The following ATP1A1 variants were observed in gnomAD, a reference collection of about 807,000 sequenced individuals.
The protein encoded by ATP1A1 is ATPase Na+/K+ transporting subunit alpha 1, also known as sodium/potassium-transporting ATPase subunit alpha-1.
A neutral mutation model predicts 114.8 loss-of-function variants in ATP1A1; 14 were observed. The ratio of observed to expected loss-of-function variants is 0.12; its 90% CI spans 0.08 to 0.19. The LOEUF (loss-of-function observed/expected upper bound fraction) is 0.19. ATP1A1 is among the 10% of genes least tolerant of loss of function. The pLI is 1.00. For synonymous variants in ATP1A1, 471 were observed against 466.3 expected (o/e 1.01, Z -0.13); for missense variants, 524 against 1,290.7 (o/e 0.41, Z 9.10).
At chr1:116,376,094 C>T (rs961749625) in intron 1 of ATP1A1, among the ~76,000 whole-genome samples, 2 of 152,124 alleles carry the variant, frequency 1.3e-5, no homozygotes, top group African/African-American at 2.4e-5. Flanking sequence ...CAAAGGTACA[C>T]GCCATAACTG....
chr1:116,384,147 T>A lies in ATP1A1; in HGVS notation c.123+23T>A, dbSNP rs1275459141. 3 of 1,577,454 alleles carry A rather than the reference T, an allele frequency of 1.9e-6. No homozygotes were observed. The African/African-American group carries it at 4.1e-5, about 21-fold the overall frequency. ...ATGGTAAGTACTAGGAGGAATATTG[T>A]ATTCCATCCTTATTAAAAATCCATG... On this transcript the variant is annotated intron_variant, in intron 2 of 22. Transcript: ENST00000295598. This position sits in a 1 kb window ranked among gnomAD's most constrained non-coding sequence, Gnocchi z 5.1.
At position 116,379,605 on chromosome 1, in the gene ATP1A1, TAAGATC is replaced by T. The variant is rs551386486; in HGVS notation, c.13-4406_13-4401del. Among the ~76,000 whole-genome samples the T allele has an allele frequency of 2.3e-3, 348 of 152,344 alleles. 1 individual carries two copies. The highest frequency in any genetic ancestry group is 8.1e-3 in the African/African-American group (337 of 41,574). On this transcript the variant is annotated intron_variant, in intron 1 of 22. Transcript: ENST00000295598. ...GTTATTTTCTTTAAGTTTTCACTGTTAAGATCAAATGAAAAATAATGCCAAAGGAGT... is the reference window on the plus strand; with the variant it reads ...GTTATTTTCTTTAAGTTTTCACTGTTAAATGAAAAATAATGCCAAAGGAGT...
At chr1:116,375,741 C>T (rs778316828) in intron 1 of ATP1A1, among the ~76,000 whole-genome samples, 2 of 152,086 alleles carry the variant, frequency 1.3e-5, no homozygotes, top group Non-Finnish European at 2.9e-5. Flanking sequence ...GGGATTTTTC[C>T]ACATGGGGAT....
In ATP1A1 at chr1:116,373,499, G is replaced by A. The variant is rs1208152631; in HGVS notation, c.-13G>A. On this transcript the variant is annotated 5_prime_UTR_variant, in exon 1 of 23. Transcript: ENST00000295598. ...GCGACAGGACCCGGCGCCGGGCACT[G>A]AGCACCGCCACCATGGGGAAGGGGG... The A allele has an allele frequency of 2.0e-6, 3 of 1,509,160 alleles. No individual in the cohort carries two copies. Among genetic ancestry groups the A allele is most frequent in the Non-Finnish European group, 2.7e-6 (3 of 1,129,580 alleles). The allele number at this position is 1,509,160 out of a possible 1,614,324, so 93.5% of individuals were successfully genotyped here. A position where few individuals can be genotyped will look rare whatever the true frequency, so the allele number is the denominator to read the frequency against.
rs200928094 is a variant in ATP1A1, at chr1:116,392,979, C to T, written c.1458C>T (p.Asn486=). The change falls in exon 11 of 23, where the codon AAC becomes AAT. Residue 486 remains asparagine (N), a synonymous_variant. Coordinates refer to ENST00000295598, the MANE Select transcript of ATP1A1 (RefSeq NM_000701.8). The part of the protein sequence containing the change: ...KIVEIPFNST[N]KYQLSIHKNP... ...TCGAGATACCCTTCAACTCCACCAA[C>T]AAGTACCAGGTCTGAAGATCGATGG... 1.1e-5 allele frequency: 17 copies of T among 1,614,002 alleles called. No homozygotes were observed. Among genetic ancestry groups the T allele is most frequent in the Non-Finnish European group, 1.2e-5 (14 of 1,179,986 alleles).
chr1:116,389,150 G>T lies in ATP1A1; in HGVS notation c.754+131G>T, dbSNP rs921616540. ...GAACTTGTGTCAAGCACAGAGCAGAGGTGTTTTCCTAGCTGGCAGGAAACC... is the reference window on the plus strand; with the variant it reads ...GAACTTGTGTCAAGCACAGAGCAGATGTGTTTTCCTAGCTGGCAGGAAACC... On this transcript the variant is annotated intron_variant, in intron 7 of 22. Transcript: ENST00000295598. This position sits in a 1 kb window ranked among gnomAD's most constrained non-coding sequence, Gnocchi z 6.9. 2.3e-5 allele frequency: 23 copies of T among 989,076 alleles called. No homozygotes were observed. The South Asian group carries it at 3.6e-4, about 15-fold the overall frequency. The allele number at this position is 989,076 out of a possible 1,614,324, so 61.3% of individuals were successfully genotyped here.
At chr1:116,386,442 G>A (rs1016209787) in intron 3 of ATP1A1, among the ~76,000 whole-genome samples, 6 of 152,152 alleles carry the variant, frequency 3.9e-5, no homozygotes, top group Non-Finnish European at 7.4e-5. Context: ...AATTAAACAA[G>A]TTAATTAAAG....
In ATP1A1 at chr1:116,395,198, G is replaced by A. The variant is rs756603700; in HGVS notation, c.1749G>A (p.Leu583=). 3.1e-6 allele frequency: 5 copies of A among 1,614,040 alleles called. No individual in the cohort carries two copies. The African/African-American group carries it at 5.3e-5, about 17-fold the overall frequency. Reference sequence around the variant, plus strand: ...ATGTGAATTTCCCTATCGATAATCTGTGCTTTGTTGGGCTCATCTCCATGA... The same window carrying A: ...ATGTGAATTTCCCTATCGATAATCTATGCTTTGTTGGGCTCATCTCCATGA... ...TDDVNFPIDN[L]CFVGLISMID... The change falls in exon 13 of 23, where the codon CTG becomes CTA. Residue 583 remains leucine (L), a synonymous_variant. Transcript: ENST00000295598. The surrounding 1 kb of genome is among the most constrained non-coding windows in gnomAD (Gnocchi z 6.4).
rs1652230770 is a variant in ATP1A1 at position 116,388,321 on chromosome 1, T to TA, written c.501+79dup. On this transcript the variant is annotated intron_variant, in intron 5 of 22. Coordinates refer to ENST00000295598, the MANE Select transcript of ATP1A1 (RefSeq NM_000701.8). The surrounding 1 kb of genome is among the most constrained non-coding windows in gnomAD (Gnocchi z 5.6). ...GTCAGCCTGTGAATTAGTGTGAAGTTAAGGTTTTCCAAGTATTACATGACT... is the reference window on the plus strand; with the variant it reads ...GTCAGCCTGTGAATTAGTGTGAAGTTAAAGGTTTTCCAAGTATTACATGACT... The TA allele has an allele frequency of 7.8e-7, 1 of 1,286,024 alleles. No individual in the cohort carries two copies. The highest frequency in any genetic ancestry group is 1.5e-5 in the African/African-American group (1 of 68,010). The allele number at this position is 1,286,024 out of a possible 1,614,324, so 79.7% of individuals were successfully genotyped here. A position where few individuals can be genotyped will look rare whatever the true frequency, so the allele number is the denominator to read the frequency against.
chr1:116,401,751 T>C lies in ATP1A1; in HGVS notation c.2951+96T>C. 1 of 1,272,212 alleles carries C rather than the reference T, an allele frequency of 7.9e-7. No homozygotes were observed. The highest frequency in any genetic ancestry group is 1.1e-6 in the Non-Finnish European group (1 of 891,226). 78.8% of individuals were successfully genotyped at this position (1,272,212 alleles called of 1,614,324 possible). A position where few individuals can be genotyped will look rare whatever the true frequency, so the allele number is the denominator to read the frequency against. The stretch of plus-strand genomic sequence containing the variant: ...GTAATAGTTGTTATTTTCAGAATTT[T>C]GAGTGGTATGTACAAAAATTCCTAT... On this transcript the variant is annotated intron_variant, in intron 21 of 22. Coordinates refer to ENST00000295598, the MANE Select transcript of ATP1A1 (RefSeq NM_000701.8). The surrounding 1 kb of genome is among the most constrained non-coding windows in gnomAD (Gnocchi z 4.7).
chr1:116,404,059 C>CAGTCTGAT lies in ATP1A1; in HGVS notation c.3043+84_3043+85insAGTCTGAT. ...TGGTTTTTTGTTTCCCTCAAGGTGT[C>CAGTCTGAT]TAGGCTCCCTCAGTGGTCAGTCTGA... On this transcript the variant is annotated intron_variant, in intron 22 of 22. Transcript: ENST00000295598. This position sits in a 1 kb window ranked among gnomAD's most constrained non-coding sequence, Gnocchi z 4.8. 7.4e-7 allele frequency: 1 copy of CAGTCTGAT among 1,343,730 alleles called. No individual in the cohort carries two copies. The highest frequency in any genetic ancestry group is 1.0e-6 in the Non-Finnish European group (1 of 955,282). The allele number at this position is 1,343,730 out of a possible 1,614,324, so 83.2% of individuals were successfully genotyped here. A position where few individuals can be genotyped will look rare whatever the true frequency, so the allele number is the denominator to read the frequency against.
intron 10 of ATP1A1, among the ~76,000 whole-genome samples, chr1:116,391,355 T>C (rs1652462856): frequency 2.0e-5 from 3 of 152,362 alleles, no homozygotes; most frequent in Middle Eastern, 6.8e-3. Context: ...GCTTATCTTA[T>C]CTTATTGGTT....
At position 116,373,488 on chromosome 1, in the gene ATP1A1, C is replaced by G; in HGVS notation, c.-24C>G. The G allele has an allele frequency of 2.6e-6, 4 of 1,510,100 alleles. No individual in the cohort carries two copies. Among genetic ancestry groups the G allele is most frequent in the Non-Finnish European group, 3.5e-6 (4 of 1,130,060 alleles). 93.5% of individuals were successfully genotyped at this position (1,510,100 alleles called of 1,614,324 possible). On this transcript the variant is annotated 5_prime_UTR_variant, in exon 1 of 23. Transcript: ENST00000295598. ...CTGATTCTCCAGCGACAGGACCCGG[C>G]GCCGGGCACTGAGCACCGCCACCAT...
At position 116,395,081 on chromosome 1, in the gene ATP1A1, AT is replaced by A. The variant is rs1201982057; in HGVS notation, c.1661-25del. 5 of 1,606,068 alleles carry A rather than the reference AT, an allele frequency of 3.1e-6. No homozygotes were observed. The highest frequency in any genetic ancestry group is 4.3e-6 in the Non-Finnish European group (5 of 1,175,172). ...CTTCTTACTGCCCAGCGTCACTGAA[AT>A]TTTCAAAGGCTCCTGTCCTCCTCGC... On this transcript the variant is annotated intron_variant, in intron 12 of 22. Transcript: ENST00000295598. This position sits in a 1 kb window ranked among gnomAD's most constrained non-coding sequence, Gnocchi z 6.4.
At chr1:116,394,086 GTTAA>G (rs1327629921) in intron 12 of ATP1A1, among the ~76,000 whole-genome samples, 1 of 152,108 alleles carries the variant, frequency 6.6e-6, no homozygotes, top group Non-Finnish European at 1.5e-5. Flanking sequence ...CCTAATTAAA[GTTAA>G]TTAATTCTTA....
In ATP1A1 at chr1:116,387,538, T is replaced by C; in HGVS notation, c.387+47T>C. On this transcript the variant is annotated intron_variant, in intron 4 of 22. Coordinates refer to ENST00000295598, the MANE Select transcript of ATP1A1 (RefSeq NM_000701.8). The surrounding 1 kb of genome is among the most constrained non-coding windows in gnomAD (Gnocchi z 6.7). ...ATGGATTTGTAGTACACATCAGATA[T>C]CTTCTCCGTCTTTGTCTCCCACTTC... The C allele has an allele frequency of 6.3e-7, 1 of 1,587,372 alleles. No individual in the cohort carries two copies. Among genetic ancestry groups the C allele is most frequent in the Non-Finnish European group, 8.6e-7 (1 of 1,158,300 alleles).
chr1:116,391,541 T>C (rs1365960812), intron 10 of ATP1A1, among the ~76,000 whole-genome samples: 1 of 152,226 alleles, frequency 6.6e-6, no homozygotes, highest in Non-Finnish European at 1.5e-5. Flanking sequence ...AAGAAAGCTA[T>C]GTGAGGCTCT....
chr1:116,398,065 T>G lies in ATP1A1; in HGVS notation c.2124+27T>G. ...TCAGCCAGCACAAGGATCAGGCTGC[T>G]TTGGGCACTATTGGCTTTAGGGATT... On this transcript the variant is annotated intron_variant, in intron 15 of 22. Transcript: ENST00000295598. This position sits in a 1 kb window ranked among gnomAD's most constrained non-coding sequence, Gnocchi z 6.1. The G allele has an allele frequency of 1.2e-6, 2 of 1,612,282 alleles. No homozygotes were observed. Among genetic ancestry groups the G allele is most frequent in the Non-Finnish European group, 1.7e-6 (2 of 1,179,040 alleles).
In ATP1A1 at chr1:116,401,045, C is replaced by T. The variant is rs1268816029; in HGVS notation, c.2718+39C>T. ...TCTGACCTGACCAGTGTCAGAGCTC[C>T]TCAAGCCCCAGAAGACTGAGGCCAC... On this transcript the variant is annotated intron_variant, in intron 19 of 22. Transcript: ENST00000295598. The surrounding 1 kb of genome is among the most constrained non-coding windows in gnomAD (Gnocchi z 4.7). 6.2e-7 allele frequency: 1 copy of T among 1,613,150 alleles called. No individual in the cohort carries two copies. Among genetic ancestry groups the T allele is most frequent in the East Asian group, 2.2e-5 (1 of 44,848 alleles).
Sources: gnomAD v4.1 joint callset for allele counts (sites outside exome capture counted in the v4.1 genomes callset) on GRCh38, gnomAD v4.1.1 for gene constraint, Gnocchi (gnomAD v3.1) non-coding constraint, MANE v1.5 for transcripts, NCBI Gene and HGNC (gene_info 2026-07-23, HGNC 2026-07-21) for gene names.